ZMIZ1: variants seen among roughly 807,000 people sequenced by gnomAD.
ZMIZ1 encodes the protein zinc finger MIZ-type containing 1.
Under a neutral mutation model 113.9 loss-of-function variants are expected in ZMIZ1, and 17 were observed. The observed-to-expected ratio is 0.15, with a 90% confidence interval of 0.10 to 0.22. The LOEUF is 0.22. ZMIZ1 is among the 10% of genes least tolerant of loss of function. ZMIZ1 has a pLI of 1.00. For missense variants in ZMIZ1, 1,059 were observed against 1,477.8 expected (o/e 0.72, Z 4.65); for synonymous variants, 607 against 603.1 (o/e 1.01, Z -0.09).
intron 4 of ZMIZ1, among the ~76,000 whole-genome samples, chr10:79,165,936 G>C (rs72816266): frequency 2.4e-5 from 2 of 82,390 alleles, no homozygotes. Flanking sequence ...TGGCCTCCAA[G>C]CCCCAGCTCA....
At chr10:79,302,693 T>C in intron 18 of ZMIZ1, among the ~76,000 whole-genome samples, 1 of 132,052 alleles carries the variant, frequency 7.6e-6, no homozygotes, top group African/African-American at 2.8e-5. Context: ...TTTTTTTTTT[T>C]TTTTTTTTTT....
In ZMIZ1 at chr10:79,118,286, A is replaced by G. The variant is rs1412236076; in HGVS notation, c.-336-629A>G. ...ATGTTTTTCTGTTTGTTCACTGCAC[A>G]CTTTCACGGCACCATTCATCCATCA... On this transcript the variant is annotated intron_variant, in intron 1 of 24. Coordinates refer to ENST00000334512, the MANE Select transcript of ZMIZ1 (RefSeq NM_020338.4). This position sits in a 1 kb window ranked among gnomAD's most constrained non-coding sequence, Gnocchi z 4.1. Among the ~76,000 whole-genome samples the G allele has an allele frequency of 6.6e-6, 1 of 152,030 alleles. No homozygotes were observed. The highest frequency in any genetic ancestry group is 1.5e-5 in the Non-Finnish European group (1 of 67,982).
chr10:79,236,891 TG>T (rs992164130), intron 7 of ZMIZ1, among the ~76,000 whole-genome samples: 5 of 152,252 alleles, frequency 3.3e-5, no homozygotes, highest in Admixed American at 1.3e-4. Context: ...AAGTCCCAGT[TG>T]ACATGGAGCT....
chr10:79,139,533 A>G (rs1845171766), intron 2 of ZMIZ1, 149 bp from the exon 3 acceptor site: 1 of 396,424 alleles, frequency 2.5e-6, no homozygotes, highest in Middle Eastern at 6.3e-4. Flanking sequence ...AGACACAGCC[A>G]GCTCTGATAA....
Position 79,299,116 on chromosome 10 carries a change from G to A in ZMIZ1, c.1733G>A (p.Arg578His). 3 of 1,612,296 alleles carry A rather than the reference G, an allele frequency of 1.9e-6. No homozygotes were observed. Among genetic ancestry groups the A allele is most frequent in the East Asian group, 2.2e-5 (1 of 44,870 alleles). The stretch of plus-strand genomic sequence containing the variant: ...GATGGCGTGGTGCTGGAGCCCTTCC[G>A]CCTGGAGCACAACCTGGCGGTCAGC... ...VRDGVVLEPF[R>H]LEHNLAVSNH... The change falls in exon 16 of 25, where the codon CGC (arginine) becomes CAC (histidine). Residue 578 changes from arginine to histidine, a missense_variant. Physicochemically the swap from Arg to His is conservative, Grantham distance 29. Around this residue, in one of 6 missense-constraint regions of ZMIZ1, gnomAD observed 217 missense variants for 426.9 expected, o/e 0.51. Transcript: ENST00000334512.
chr10:79,266,147 A>G (rs575349789), intron 7 of ZMIZ1, among the ~76,000 whole-genome samples: 15 of 152,332 alleles, frequency 9.8e-5, no homozygotes, highest in African/African-American at 3.1e-4. Flanking sequence ...TGTCTTTTAC[A>G]TGTGGCCAGA....
At chr10:79,182,520 A>G (rs1039005733) in intron 4 of ZMIZ1, among the ~76,000 whole-genome samples, 3 of 152,204 alleles carry the variant, frequency 2.0e-5, no homozygotes, top group East Asian at 1.9e-4. Context: ...GGAGCTAGGA[A>G]TGTCTCCCAG....
intron 4 of ZMIZ1, among the ~76,000 whole-genome samples, chr10:79,183,419 C>T (rs951868242): frequency 2.0e-5 from 3 of 152,134 alleles, no homozygotes; most frequent in African/African-American, 7.2e-5. Context: ...CAGTCCAGGT[C>T]CTGCTTGATA....
chr10:79,267,337 G>A (rs1434679040), intron 7 of ZMIZ1, among the ~76,000 whole-genome samples: 2 of 152,230 alleles, frequency 1.3e-5, no homozygotes, highest in Non-Finnish European at 2.9e-5. Context: ...GAAAGAAATT[G>A]TATTTTATTT....
chr10:79,163,003 G>A (rs1191717426), intron 4 of ZMIZ1, among the ~76,000 whole-genome samples: 5 of 152,220 alleles, frequency 3.3e-5, no homozygotes, highest in East Asian at 1.9e-4. Context: ...GGCATTTCAG[G>A]GTTGATCTCA....
rs570706852 is a variant in ZMIZ1, at chr10:79,167,045, C to T, written c.-50+4912C>T. ...CCCTCTTCTTCATCACACCTTCCCA[C>T]TCTGTGCTCTGGCCTGAGTTTCTAT... On this transcript the variant is annotated intron_variant, in intron 4 of 24. Transcript: ENST00000334512. Among the ~76,000 whole-genome samples the T allele has an allele frequency of 1.1e-3, 164 of 152,364 alleles. 1 individual carries two copies. The highest frequency in any genetic ancestry group is 1.9e-3 in the Non-Finnish European group (128 of 68,036).
intron 7 of ZMIZ1, among the ~76,000 whole-genome samples, chr10:79,270,869 C>T (rs1045124457): frequency 1.3e-5 from 2 of 152,162 alleles, no homozygotes. Context: ...ACTGTCCCCA[C>T]TACCCCCACA....
intron 7 of ZMIZ1, among the ~76,000 whole-genome samples, chr10:79,240,821 C>T (rs1351531434): frequency 1.3e-5 from 2 of 151,716 alleles, no homozygotes; most frequent in African/African-American, 4.8e-5. Context: ...ATTGAAGTTT[C>T]CTGGGCAATG....
At chr10:79,099,093 C>G (rs1025790261) in intron 1 of ZMIZ1, among the ~76,000 whole-genome samples, 1 of 152,184 alleles carries the variant, frequency 6.6e-6, no homozygotes, top group Non-Finnish European at 1.5e-5. Flanking sequence ...CCCAGCAAGG[C>G]CTGCACCCCC....
chr10:79,293,386 T>C lies in ZMIZ1; in HGVS notation c.963T>C (p.Gly321=), dbSNP rs1853645390. 2 of 1,513,826 alleles carry C rather than the reference T, an allele frequency of 1.3e-6. No individual in the cohort carries two copies. The highest frequency in any genetic ancestry group is 1.4e-5 in the African/African-American group (1 of 71,418). The allele number at this position is 1,513,826 out of a possible 1,614,324, so 93.8% of individuals were successfully genotyped here. A position where few individuals can be genotyped will look rare whatever the true frequency, so the allele number is the denominator to read the frequency against. Reference sequence around the variant, plus strand: ...AGGTCTGTTCCTCTTTCCAGATGGGTCCCACCCAGGCGTATAACAGCCAAT... The same window carrying C: ...AGGTCTGTTCCTCTTTCCAGATGGGCCCCACCCAGGCGTATAACAGCCAAT... The part of the protein sequence containing the change: ...NKDINQYGPM[G]PTQAYNSQFM... The change falls in exon 12 of 25, where the codon GGT becomes GGC. Residue 321 remains glycine, a synonymous_variant. Transcript: ENST00000334512.
At chr10:79,156,796 C>T (rs950742400) in intron 3 of ZMIZ1, among the ~76,000 whole-genome samples, 2 of 152,208 alleles carry the variant, frequency 1.3e-5, no homozygotes, top group Non-Finnish European at 2.9e-5. Flanking sequence ...ATTTCTGTTC[C>T]TTGAGGCCAA....
intron 5 of ZMIZ1, 152 bp downstream of exon 5, chr10:79,201,844 C>A: frequency 1.2e-6 from 1 of 808,084 alleles, no homozygotes; most frequent in Non-Finnish European, 2.0e-6. Flanking sequence ...ACTGACCAGC[C>A]TAATGCTGGA....
chr10:79,303,989 A>G, intron 18 of ZMIZ1, 26 bp from the exon 19 acceptor site: 1 of 1,612,920 alleles, frequency 6.2e-7, no homozygotes, highest in Non-Finnish European at 8.5e-7. Context: ...TGCCATCCTC[A>G]CCTGTCTGTG....
intron 1 of ZMIZ1, among the ~76,000 whole-genome samples, chr10:79,074,249 G>C (rs1431800962): frequency 6.6e-6 from 1 of 152,222 alleles, no homozygotes; most frequent in Non-Finnish European, 1.5e-5. Context: ...CCCCTGCGCT[G>C]CCTCCTTTCC....
Sources: gnomAD v4.1 joint callset for allele counts (sites outside exome capture counted in the v4.1 genomes callset) on GRCh38, gnomAD v4.1.1 for gene constraint, gnomAD v4.1.1 regional missense constraint, Gnocchi (gnomAD v3.1) non-coding constraint, MANE v1.5 for transcripts, NCBI Gene and HGNC (gene_info 2026-07-23, HGNC 2026-07-21) for gene names.